SUGCT: variants seen among roughly 807,000 people sequenced by gnomAD.
SUGCT encodes the protein succinyl-CoA:glutarate-CoA transferase, also known as succinyl-CoA:glutarate CoA-transferase.
A neutral mutation model predicts 55.0 loss-of-function variants in SUGCT; 41 were observed. That is an observed-to-expected ratio of 0.74 (90% CI 0.58 to 0.97). The LOEUF is 0.97. SUGCT is among the 50% of genes least tolerant of loss of function. The pLI is 0.00. For missense variants in SUGCT, 568 were observed against 547.8 expected (o/e 1.04, Z -0.37); for synonymous variants, 187 against 200.4 (o/e 0.93, Z 0.56).
the SUGCT span, among the ~76,000 whole-genome samples, chr7:41,008,713 C>G: frequency 6.6e-6 from 1 of 151,966 alleles, no homozygotes; most frequent in South Asian, 2.1e-4. Flanking sequence ...GCAAGTCCCC[C>G]CAGTCACTAT....
chr7:40,868,904 C>T, the SUGCT span, among the ~76,000 whole-genome samples: 4 of 152,096 alleles, frequency 2.6e-5, no homozygotes, highest in Non-Finnish European at 5.9e-5. Context: ...TTTAGATTTA[C>T]AAAAAATGCC....
chr7:40,385,091 AG>A (rs1785052035), intron 9 of SUGCT, among the ~76,000 whole-genome samples: 1 of 152,208 alleles, frequency 6.6e-6, no homozygotes. Flanking sequence ...ATAACATTCT[AG>A]GGAATTGAAA....
the SUGCT span, among the ~76,000 whole-genome samples, chr7:41,007,823 C>CAAAAAAA: frequency 3.8e-5 from 4 of 104,290 alleles, no homozygotes; most frequent in Admixed American, 1.1e-4. Context: ...AACTGAAATC[C>CAAAAAAA]AAAAAAAAAA....
At chr7:40,300,521 T>C (rs959777916) in intron 8 of SUGCT, among the ~76,000 whole-genome samples, 1 of 152,232 alleles carries the variant, frequency 6.6e-6, no homozygotes, top group Non-Finnish European at 1.5e-5. Flanking sequence ...AAGGGTTTTA[T>C]CATATTACAG....
chr7:40,137,992 T>G lies in SUGCT; in HGVS notation c.100+2872T>G, dbSNP rs879554233. ...CCCCCTGTGCCCCAGCCAGTTATGA[T>G]TTTGTTTTGGCATATATTCATGGGG... On this transcript the variant is annotated intron_variant, in intron 1 of 13. Transcript: ENST00000335693. Among the ~76,000 whole-genome samples, 9 of 152,084 alleles carry G rather than the reference T, an allele frequency of 5.9e-5. No individual in the cohort carries two copies. The South Asian group carries it at 1.9e-3, about 32-fold the overall frequency.
intron 13 of SUGCT, among the ~76,000 whole-genome samples, chr7:40,770,133 T>G (rs912545138): frequency 1.3e-5 from 2 of 152,202 alleles, no homozygotes; most frequent in Non-Finnish European, 2.9e-5. Context: ...TCAAGTTTCT[T>G]GAAAACACCA....
chr7:40,761,385 A>G (rs191588298), intron 13 of SUGCT, among the ~76,000 whole-genome samples: 2 of 152,236 alleles, frequency 1.3e-5, no homozygotes, highest in East Asian at 3.8e-4. Context: ...GAGGTCATAG[A>G]TAACACTGTA....
chr7:40,505,700 A>G (rs971391504), intron 12 of SUGCT, among the ~76,000 whole-genome samples: 1 of 152,060 alleles, frequency 6.6e-6, no homozygotes, highest in Non-Finnish European at 1.5e-5. Flanking sequence ...AAACTCAACA[A>G]TATACTCTTA....
intron 7 of SUGCT, among the ~76,000 whole-genome samples, chr7:40,263,518 C>T (rs930454801): frequency 1.3e-5 from 2 of 152,188 alleles, no homozygotes; most frequent in Non-Finnish European, 2.9e-5. Flanking sequence ...TGCTACTTAA[C>T]ATCTCACAGT....
chr7:40,768,095 G>A (rs1255745203), intron 13 of SUGCT, among the ~76,000 whole-genome samples: 1 of 152,158 alleles, frequency 6.6e-6, no homozygotes, highest in African/African-American at 2.4e-5. Context: ...CCCAGGCTCT[G>A]TAGAAATTGG....
intron 13 of SUGCT, among the ~76,000 whole-genome samples, chr7:40,830,440 C>T (rs1301755830): frequency 1.3e-5 from 2 of 152,166 alleles, no homozygotes; most frequent in Non-Finnish European, 2.9e-5. Context: ...TGCAATGTCT[C>T]AATCAGGCCC....
intron 13 of SUGCT, among the ~76,000 whole-genome samples, chr7:40,851,514 T>TG (rs1398703574): frequency 6.6e-6 from 1 of 152,208 alleles, no homozygotes; most frequent in African/African-American, 2.4e-5. Flanking sequence ...TCTGTAATTC[T>TG]GGCTTCCATG....
intron 11 of SUGCT, among the ~76,000 whole-genome samples, chr7:40,491,984 T>G (rs892718993): frequency 6.8e-6 from 1 of 146,370 alleles, no homozygotes; most frequent in Non-Finnish European, 1.5e-5. Flanking sequence ...AGCAAAACTC[T>G]GTTTCCAAAA....
the SUGCT span, among the ~76,000 whole-genome samples, chr7:40,885,297 C>T: frequency 6.6e-6 from 1 of 152,122 alleles, no homozygotes; most frequent in Non-Finnish European, 1.5e-5. Flanking sequence ...AGTTTGTTGG[C>T]CTCACCGCTC....
intron 13 of SUGCT, among the ~76,000 whole-genome samples, chr7:40,846,028 C>G (rs575065359): frequency 6.6e-6 from 1 of 152,168 alleles, no homozygotes; most frequent in African/African-American, 2.4e-5. Context: ...AAAATTGAAT[C>G]GAAACGTGAT....
chr7:40,305,289 C>T (rs986487754), intron 8 of SUGCT, among the ~76,000 whole-genome samples: 3 of 152,218 alleles, frequency 2.0e-5, no homozygotes, highest in Non-Finnish European at 2.9e-5. Flanking sequence ...CCTAACTTTC[C>T]TCCTTTTCTC....
At chr7:40,137,653 G>A (rs538431632) in intron 1 of SUGCT, among the ~76,000 whole-genome samples, 3 of 152,146 alleles carry the variant, frequency 2.0e-5, no homozygotes, top group South Asian at 2.1e-4. Context: ...TTTTTCTGTC[G>A]TATAGCAGTA....
the SUGCT span, among the ~76,000 whole-genome samples, chr7:41,010,205 C>T: frequency 3.5e-4 from 54 of 152,260 alleles, no homozygotes; most frequent in South Asian, 8.1e-3. Context: ...ATATTAAGTA[C>T]ATTGATTGCT....
At chr7:40,304,537 A>G (rs1400135421) in intron 8 of SUGCT, among the ~76,000 whole-genome samples, 1 of 151,290 alleles carries the variant, frequency 6.6e-6, no homozygotes, top group Non-Finnish European at 1.5e-5. Flanking sequence ...TGCACCCATC[A>G]CCTGAGCAGT....
Sources: allele counts gnomAD v4.1 joint callset (sites outside exome capture counted in the v4.1 genomes callset), GRCh38; gene constraint gnomAD v4.1.1; transcripts MANE v1.5; gene names NCBI Gene and HGNC (gene_info 2026-07-23, HGNC 2026-07-21).